RNF38: variants seen among roughly 807,000 people sequenced by gnomAD.
The protein encoded by RNF38 is ring finger protein 38.
A neutral mutation model predicts 67.2 loss-of-function variants in RNF38; 15 were observed. The ratio of observed to expected loss-of-function variants is 0.22; its 90% confidence interval spans 0.15 to 0.34. RNF38 has a LOEUF of 0.34. RNF38 is among the 10% of genes least tolerant of loss of function. RNF38 has a pLI of 1.00. For synonymous variants in RNF38, 220 were observed against 218.8 expected (o/e 1.01, Z -0.05); for missense variants, 524 against 639.9 (o/e 0.82, Z 1.95).
At position 36,429,777 on chromosome 9, in the gene RNF38, G is replaced by C. The variant is rs571896566; in HGVS notation, n.242-5094C>G. ...CCACTGCACTCCAGCCTGGGCAACA[G>C]AGCAAGATTCCGTCTCAAGAAAAAA... On this transcript the variant is annotated intron_variant and non_coding_transcript_variant, in intron 1 of 3. Coordinates refer to the RNF38 transcript ENST00000488058. 2.6e-5 allele frequency among the ~76,000 whole-genome samples: 4 copies of C among 152,262 alleles called. No homozygotes were observed. In the East Asian group the frequency reaches 7.7e-4, roughly 29 times the overall value.
chr9:36,392,391 G>C (rs1351773859), intron 1 of RNF38, among the ~76,000 whole-genome samples: 1 of 152,112 alleles, frequency 6.6e-6, no homozygotes, highest in Non-Finnish European at 1.5e-5. Flanking sequence ...ATGCATTGCT[G>C]AATCAAGGCG....
intron 1 of RNF38, among the ~76,000 whole-genome samples, chr9:36,454,725 G>C (rs944916386): frequency 6.6e-6 from 1 of 151,456 alleles, no homozygotes; most frequent in Non-Finnish European, 1.5e-5. Flanking sequence ...TGGGATTACA[G>C]GTGTTCACTA....
intron 2 of RNF38, among the ~76,000 whole-genome samples, chr9:36,407,896 T>C (rs1338903198): frequency 1.3e-5 from 2 of 152,232 alleles, no homozygotes; most frequent in East Asian, 3.8e-4. Context: ...TCTCTGTATT[T>C]TTTTTAAATC....
At chr9:36,442,874 G>C (rs955693481) in intron 1 of RNF38, among the ~76,000 whole-genome samples, 1 of 152,214 alleles carries the variant, frequency 6.6e-6, no homozygotes, top group Non-Finnish European at 1.5e-5. Flanking sequence ...ATCTGTTTCT[G>C]GAAAATTTGC....
intron 2 of RNF38, among the ~76,000 whole-genome samples, chr9:36,419,892 C>T (rs1361747868): frequency 6.6e-6 from 1 of 152,078 alleles, no homozygotes; most frequent in East Asian, 1.9e-4. Flanking sequence ...GGCAAGGAGC[C>T]TGGAATAACA....
chr9:36,387,862 T>C (rs374555781), intron 2 of RNF38, among the ~76,000 whole-genome samples: 2 of 151,434 alleles, frequency 1.3e-5, no homozygotes, highest in Admixed American at 6.6e-5. Flanking sequence ...CTGCCTGTAA[T>C]AGCATTAAAA....
chr9:36,429,031 G>A (rs752139350), intron 1 of RNF38, among the ~76,000 whole-genome samples: 13 of 152,108 alleles, frequency 8.5e-5, no homozygotes, highest in Admixed American at 2.0e-4. Context: ...CCTAGACACT[G>A]GGAACATAGG....
chr9:36,462,484 A>G (rs1839756293), intron 1 of RNF38, among the ~76,000 whole-genome samples: 1 of 152,090 alleles, frequency 6.6e-6, no homozygotes, highest in Non-Finnish European at 1.5e-5. Context: ...ATTCAGAACA[A>G]AGGTCAAAAA....
intron 1 of RNF38, among the ~76,000 whole-genome samples, chr9:36,455,479 T>C (rs977842727): frequency 2.6e-5 from 4 of 151,892 alleles, no homozygotes; most frequent in East Asian, 1.9e-4. Flanking sequence ...AAGGAGCAAA[T>C]AGTTTAAAAG....
At chr9:36,360,872 G>A (rs924941411) in intron 4 of RNF38, among the ~76,000 whole-genome samples, 4 of 152,046 alleles carry the variant, frequency 2.6e-5, no homozygotes, top group Non-Finnish European at 4.4e-5. Flanking sequence ...GTGCAGTGGT[G>A]CCATCACGGC....
At chr9:36,442,734 G>A (rs544316811) in intron 1 of RNF38, among the ~76,000 whole-genome samples, 19 of 152,350 alleles carry the variant, frequency 1.2e-4, no homozygotes, top group Middle Eastern at 6.8e-3. Context: ...AGCCGAGATC[G>A]TGCTATTGCA....
At chr9:36,385,022 C>T (rs1440089778) in intron 2 of RNF38, among the ~76,000 whole-genome samples, 1 of 152,150 alleles carries the variant, frequency 6.6e-6, no homozygotes, top group East Asian at 1.9e-4. Flanking sequence ...CTTACAACTA[C>T]ATGCGAAGTT....
At chr9:36,362,859 C>G (rs1260242217) in intron 4 of RNF38, among the ~76,000 whole-genome samples, 1 of 150,572 alleles carries the variant, frequency 6.6e-6, no homozygotes, top group Non-Finnish European at 1.5e-5. Flanking sequence ...GTCTCGATCT[C>G]CTGACCTCGT....
chr9:36,396,195 G>A (rs1280942885), intron 1 of RNF38, among the ~76,000 whole-genome samples: 5 of 152,184 alleles, frequency 3.3e-5, no homozygotes, highest in Admixed American at 3.3e-4. Context: ...GTAAGCAAAT[G>A]ATGTAACAGC....
intron 1 of RNF38, among the ~76,000 whole-genome samples, chr9:36,397,210 G>T (rs1394739951): frequency 6.6e-6 from 1 of 151,432 alleles, no homozygotes; most frequent in African/African-American, 2.4e-5. Context: ...TCACCTCCTG[G>T]GTTCAAGCAA....
chr9:36,487,592 A>G (rs1216183983), upstream of RNF38: 58 of 978,506 alleles, frequency 5.9e-5, no homozygotes, highest in Middle Eastern at 5.2e-4. Context: ...TCCGGCTGCG[A>G]CTCGACTCCG....
intron 2 of RNF38, among the ~76,000 whole-genome samples, chr9:36,383,278 T>G (rs1836342492): frequency 6.6e-6 from 1 of 152,188 alleles, no homozygotes; most frequent in African/African-American, 2.4e-5. Flanking sequence ...CTCAGCTCAC[T>G]GCAACCTCCG....
chr9:36,410,519 A>G (rs113889066), intron 2 of RNF38, among the ~76,000 whole-genome samples: 3 of 152,198 alleles, frequency 2.0e-5, no homozygotes, highest in African/African-American at 7.2e-5. Context: ...AAGCCATGCC[A>G]CCAGGAACAA....
chr9:36,428,572 T>G (rs1564059238), intron 1 of RNF38, among the ~76,000 whole-genome samples: 1 of 152,054 alleles, frequency 6.6e-6, no homozygotes, highest in Non-Finnish European at 1.5e-5. Context: ...GTAACATACA[T>G]CAAGTTTTGT....
Sources: gnomAD v4.1 joint callset for allele counts (sites outside exome capture counted in the v4.1 genomes callset) on GRCh38, gnomAD v4.1.1 for gene constraint, MANE v1.5 for transcripts, NCBI Gene and HGNC (gene_info 2026-07-23, HGNC 2026-07-21) for gene names.